RIMKLB: variants seen among roughly 807,000 people sequenced by gnomAD.
RIMKLB encodes ribosomal modification protein rimK like family member B.
In RIMKLB, 7 loss-of-function variants were observed where a neutral mutation model predicts 32.0. The ratio of observed to expected loss-of-function variants is 0.22; its 90% CI spans 0.12 to 0.41. RIMKLB has a LOEUF of 0.41. Among genes scored for constraint, RIMKLB ranks in the 10% least tolerant of loss-of-function variants. RIMKLB has a pLI of 1.00. For synonymous variants in RIMKLB, 172 were observed against 185.1 expected, an observed-to-expected ratio of 0.93 and a Z score of 0.57; for missense variants, 289 against 498.7, an observed-to-expected ratio of 0.58 and a Z score of 4.00.
In RIMKLB at chr12:8,775,479, C is replaced by G; in HGVS notation, c.*1695C>G. 1 of 985,744 alleles carries G rather than the reference C, an allele frequency of 1.0e-6. No homozygotes were observed. Among genetic ancestry groups the G allele is most frequent in the Non-Finnish European group, 1.2e-6 (1 of 829,878 alleles). The allele number at this position is 985,744 out of a possible 1,614,324, so 61.1% of individuals were successfully genotyped here. A position where few individuals can be genotyped will look rare whatever the true frequency, so the allele number is the denominator to read the frequency against. Reference sequence around the variant, plus strand: ...TTTAAACAGCAAGTTTTCCATCTCCCTACGAATCCTCTGAAGCTTTTACCC... The same window carrying G: ...TTTAAACAGCAAGTTTTCCATCTCCGTACGAATCCTCTGAAGCTTTTACCC... On this transcript the variant is annotated 3_prime_UTR_variant, in exon 6 of 6. Coordinates refer to ENST00000535829, the MANE Select transcript of RIMKLB (RefSeq NM_001297776.2).
chr12:8,692,759 G>C (rs748883302), upstream of RIMKLB, among the ~76,000 whole-genome samples: 1 of 152,350 alleles, frequency 6.6e-6, no homozygotes, highest in East Asian at 1.9e-4. Context: ...AGAAAGGCTA[G>C]ATCAGTGTTT....
At chr12:8,730,135 G>T (rs1222772167) in intron 2 of RIMKLB, among the ~76,000 whole-genome samples, 1 of 152,148 alleles carries the variant, frequency 6.6e-6, no homozygotes, top group African/African-American at 2.4e-5. Flanking sequence ...ACCCAGGCTG[G>T]AGTACAATGT....
intron 2 of RIMKLB, among the ~76,000 whole-genome samples, chr12:8,717,738 T>C (rs769967653): frequency 1.3e-5 from 2 of 152,322 alleles, no homozygotes; most frequent in South Asian, 4.1e-4. Context: ...TTGTTTCCAC[T>C]TTAAACTCAT....
intron 2 of RIMKLB, among the ~76,000 whole-genome samples, chr12:8,746,185 A>G (rs970792622): frequency 6.6e-6 from 1 of 151,614 alleles, no homozygotes; most frequent in Admixed American, 6.6e-5. Context: ...TCCCTTCTTA[A>G]CATTCCCATT....
rs148630148 is a variant in RIMKLB at position 8,768,301 on chromosome 12, G to A, written c.698-5020G>A. ...GACATCCTGCTGGATCTGGAGGGGT[G>A]GAAGTCAACGGTGGGTCTGGGACAG... On this transcript the variant is annotated intron_variant, in intron 5 of 5. Coordinates refer to ENST00000535829, the MANE Select transcript of RIMKLB (RefSeq NM_001297776.2). Among the ~76,000 whole-genome samples, 64 of 152,328 alleles carry A rather than the reference G, an allele frequency of 4.2e-4. No individual in the cohort carries two copies. In the East Asian group the frequency reaches 0.012, roughly 28 times the overall value.
chr12:8,705,159 C>A (rs1418224254), intron 1 of RIMKLB, among the ~76,000 whole-genome samples: 1 of 152,004 alleles, frequency 6.6e-6, no homozygotes, highest in African/African-American at 2.4e-5. Flanking sequence ...TTATAGTAGT[C>A]CAAGTGTTGA....
the RIMKLB span, among the ~76,000 whole-genome samples, chr12:8,669,850 AC>A: frequency 1.3e-5 from 2 of 151,640 alleles, no homozygotes; most frequent in Admixed American, 6.6e-5. Flanking sequence ...ACACAGTGAA[AC>A]CCCGTCTCTA....
At chr12:8,733,129 C>G (rs1372146290) in intron 2 of RIMKLB, among the ~76,000 whole-genome samples, 1 of 151,958 alleles carries the variant, frequency 6.6e-6, no homozygotes, top group Non-Finnish European at 1.5e-5. Context: ...TTGTTTGAAA[C>G]AACTGGGCAG....
chr12:8,678,063 T>TA (rs1591584617), upstream of RIMKLB, among the ~76,000 whole-genome samples: 1 of 151,752 alleles, frequency 6.6e-6, no homozygotes, highest in Admixed American at 6.6e-5. Flanking sequence ...ATTACAGGTG[T>TA]AAACCACCAT....
intron 2 of RIMKLB, among the ~76,000 whole-genome samples, chr12:8,718,340 A>G (rs1010429996): frequency 2.0e-5 from 3 of 151,924 alleles, no homozygotes; most frequent in African/African-American, 7.3e-5. Context: ...AGGTTTGTCG[A>G]CCTCTTTTTA....
At chr12:8,675,280 C>T in the RIMKLB span, among the ~76,000 whole-genome samples, 1 of 152,202 alleles carries the variant, frequency 6.6e-6, no homozygotes, top group Non-Finnish European at 1.5e-5. Flanking sequence ...TGACCAGTCC[C>T]TACTTTTGAA....
At chr12:8,711,401 A>G (rs1944363429) in intron 1 of RIMKLB, among the ~76,000 whole-genome samples, 1 of 150,848 alleles carries the variant, frequency 6.6e-6, no homozygotes, top group Non-Finnish European at 1.5e-5. Flanking sequence ...TCTCAGAAAG[A>G]AAAAAAAAAT....
chr12:8,713,992 G>A lies in RIMKLB; in HGVS notation c.126G>A (p.Arg42=), dbSNP rs761178360. The A allele has an allele frequency of 6.2e-7, 1 of 1,614,046 alleles. No homozygotes were observed. Among genetic ancestry groups the A allele is most frequent in the East Asian group, 2.2e-5 (1 of 44,876 alleles). The change falls in exon 2 of 6, where the codon AGG becomes AGA. Residue 42 remains arginine, a synonymous_variant. Transcript: ENST00000535829. Reference sequence around the variant, plus strand: ...GTTGTGAGGAGGAACTGGACTTTAGGGCTGTGGTGATGGATGAGGTGGTGC... The same window carrying A: ...GTTGTGAGGAGGAACTGGACTTTAGAGCTGTGGTGATGGATGAGGTGGTGC... ...AKCCEEELDF[R]AVVMDEVVLT...
At chr12:8,727,626 G>T (rs768700221) in intron 2 of RIMKLB, among the ~76,000 whole-genome samples, 34 of 152,268 alleles carry the variant, frequency 2.2e-4, no homozygotes, top group African/African-American at 6.7e-4. Context: ...AGTGTTTTTG[G>T]CCGGACCTTG....
At chr12:8,670,399 G>A in the RIMKLB span, among the ~76,000 whole-genome samples, 1 of 152,148 alleles carries the variant, frequency 6.6e-6, no homozygotes, top group Non-Finnish European at 1.5e-5. Context: ...GTTTCAGGTG[G>A]GAGAAATTGG....
At chr12:8,673,797 A>T in the RIMKLB span, among the ~76,000 whole-genome samples, 2 of 151,960 alleles carry the variant, frequency 1.3e-5, no homozygotes, top group Non-Finnish European at 2.9e-5. Flanking sequence ...GGGTTTCACC[A>T]TGTTGGCCAG....
chr12:8,671,408 C>T, the RIMKLB span, among the ~76,000 whole-genome samples: 6 of 151,938 alleles, frequency 3.9e-5, no homozygotes, highest in South Asian at 1.2e-3. Context: ...GTGCCACCAC[C>T]TCAGATAATT....
intron 2 of RIMKLB, among the ~76,000 whole-genome samples, chr12:8,721,719 T>C (rs1023586802): frequency 6.6e-6 from 1 of 152,154 alleles, no homozygotes; most frequent in Non-Finnish European, 1.5e-5. Context: ...ATCTTGACCT[T>C]CTCTCATGAA....
chr12:8,696,839 G>A (rs146974728), upstream of RIMKLB, among the ~76,000 whole-genome samples: 166 of 152,326 alleles, frequency 1.1e-3, no homozygotes, highest in African/African-American at 3.7e-3. Context: ...CACTGAGACA[G>A]GGCTGAGACC....
Sources: allele counts gnomAD v4.1 joint callset (sites outside exome capture counted in the v4.1 genomes callset), GRCh38; gene constraint gnomAD v4.1.1; transcripts MANE v1.5; gene names NCBI Gene and HGNC (gene_info 2026-07-23, HGNC 2026-07-21).